Variants in NEGR1 observed in about 807,000 individuals in gnomAD.
The protein encoded by NEGR1 is neuronal growth regulator 1, also known as IgLON family member 4.
NEGR1 carries 10 observed loss-of-function variants against 40.9 expected under a neutral mutation model. The observed-to-expected ratio is 0.24, with a 90% CI of 0.15 to 0.42. The LOEUF (loss-of-function observed/expected upper bound fraction) is 0.42. Ranked by LOEUF, NEGR1 falls within the 10% of genes least tolerant of loss-of-function variation. The pLI is 1.00. For synonymous variants in NEGR1, 185 were observed against 166.8 expected, an observed-to-expected ratio of 1.11 and a Z score of -0.84; for missense variants, 352 against 438.9, an observed-to-expected ratio of 0.80 and a Z score of 1.77.
chr1:71,998,345 T>C (rs1031063929), intron 1 of NEGR1, among the ~76,000 whole-genome samples: 3 of 151,948 alleles, frequency 2.0e-5, no homozygotes, highest in African/African-American at 7.2e-5. Flanking sequence ...GGCAGGAGGC[T>C]TTTTCAATAA....
At chr1:71,676,134 G>A (rs773558678) in intron 4 of NEGR1, among the ~76,000 whole-genome samples, 3 of 152,062 alleles carry the variant, frequency 2.0e-5, no homozygotes, top group Non-Finnish European at 4.4e-5. Flanking sequence ...ATTTTGTAAG[G>A]TCTAAATTTT....
chr1:71,467,290 G>A (rs910518004), intron 6 of NEGR1, among the ~76,000 whole-genome samples: 1 of 151,984 alleles, frequency 6.6e-6, no homozygotes, highest in Non-Finnish European at 1.5e-5. Context: ...TGTGCCTGAA[G>A]TCTATTCATT....
chr1:71,746,385 C>T (rs1399314716), intron 3 of NEGR1, among the ~76,000 whole-genome samples: 1 of 152,276 alleles, frequency 6.6e-6, no homozygotes, highest in Admixed American at 6.5e-5. Flanking sequence ...CACGGGATAG[C>T]AAACTTAGAT....
At chr1:72,135,807 A>G (rs1650441425) in intron 1 of NEGR1, among the ~76,000 whole-genome samples, 1 of 152,232 alleles carries the variant, frequency 6.6e-6, no homozygotes, top group Admixed American at 6.5e-5. Flanking sequence ...AAAATTAAAA[A>G]GCTTAATACC....
intron 4 of NEGR1, among the ~76,000 whole-genome samples, chr1:71,641,167 G>A (rs139717664): frequency 3.1e-4 from 47 of 152,184 alleles, no homozygotes; most frequent in African/African-American, 6.7e-4. Flanking sequence ...GATTGTTTGC[G>A]TAGCAAAGAC....
intron 1 of NEGR1, among the ~76,000 whole-genome samples, chr1:71,966,679 G>A (rs1257063680): frequency 6.6e-6 from 1 of 152,104 alleles, no homozygotes; most frequent in African/African-American, 2.4e-5. Flanking sequence ...TGAATTTTCA[G>A]TGAAACAAAG....
At chr1:71,827,211 G>A (rs1312377498) in intron 2 of NEGR1, among the ~76,000 whole-genome samples, 2 of 151,298 alleles carry the variant, frequency 1.3e-5, no homozygotes, top group East Asian at 3.9e-4. Flanking sequence ...GAAAAAAAAA[G>A]AGGGAGCAGA....
In NEGR1 at chr1:72,219,976, A is replaced by C. The variant is rs569289995; in HGVS notation, c.176+62343T>G. ...TTTACTATTTCTTCAGGTAAGATCT[A>C]CCTACTGTCCAAAATTTCACTGAAT... On this transcript the variant is annotated intron_variant, in intron 1 of 6. Transcript: ENST00000357731. Among the ~76,000 whole-genome samples, 4 of 152,112 alleles carry C rather than the reference A, an allele frequency of 2.6e-5. No homozygotes were observed. The East Asian group carries it at 7.7e-4, about 29-fold the overall frequency.
chr1:71,880,233 G>C (rs1394796663), intron 2 of NEGR1, among the ~76,000 whole-genome samples: 2 of 151,722 alleles, frequency 1.3e-5, no homozygotes, highest in African/African-American at 2.4e-5. Context: ...ATTGCAGAGA[G>C]GCCTATAATT....
intron 1 of NEGR1, among the ~76,000 whole-genome samples, chr1:72,203,876 G>T (rs1292203516): frequency 6.6e-6 from 1 of 152,054 alleles, no homozygotes; most frequent in Non-Finnish European, 1.5e-5. Context: ...AGGATTGTTA[G>T]CATCTTTTTA....
At chr1:72,012,800 T>C (rs1646668968) in intron 1 of NEGR1, among the ~76,000 whole-genome samples, 1 of 144,282 alleles carries the variant, frequency 6.9e-6, no homozygotes, top group Non-Finnish European at 1.5e-5. Flanking sequence ...GTAATGTGTG[T>C]GTGTATATAT....
intron 1 of NEGR1, among the ~76,000 whole-genome samples, chr1:71,974,637 C>T (rs1646286169): frequency 6.6e-6 from 1 of 152,070 alleles, no homozygotes; most frequent in African/African-American, 2.4e-5. Flanking sequence ...CAAGATATTT[C>T]TGAATCCTAT....
chr1:72,155,880 AACAAACATTAAATTG>A (rs1651338796), intron 1 of NEGR1, among the ~76,000 whole-genome samples: 3 of 152,160 alleles, frequency 2.0e-5, no homozygotes, highest in African/African-American at 7.2e-5. Context: ...AACATGATAC[AACAAACATTAAATTG>A]ACAGGAAATA....
At chr1:71,409,212 C>T (rs1178189321) in intron 6 of NEGR1, among the ~76,000 whole-genome samples, 3 of 151,998 alleles carry the variant, frequency 2.0e-5, no homozygotes, top group East Asian at 1.9e-4. Flanking sequence ...CCTCATTGTC[C>T]CCTTTTCTAG....
intron 1 of NEGR1, among the ~76,000 whole-genome samples, chr1:72,080,863 T>A (rs1647967625): frequency 6.6e-6 from 1 of 152,078 alleles, no homozygotes; most frequent in African/African-American, 2.4e-5. Context: ...GAAGAAAAGC[T>A]TCCTAAAAGT....
chr1:71,767,144 T>C (rs886959962), intron 3 of NEGR1, among the ~76,000 whole-genome samples: 4 of 152,104 alleles, frequency 2.6e-5, no homozygotes, highest in East Asian at 1.9e-4. Context: ...AAATGTAGAA[T>C]TGCCTTTGGA....
At chr1:71,785,190 A>T (rs1028862012) in intron 2 of NEGR1, among the ~76,000 whole-genome samples, 3 of 152,160 alleles carry the variant, frequency 2.0e-5, no homozygotes, top group African/African-American at 7.2e-5. Flanking sequence ...CTCAGGCAAC[A>T]GCAGCAGCAG....
chr1:72,012,842 C>CATAT (rs375131531), intron 1 of NEGR1, among the ~76,000 whole-genome samples: 9,348 of 140,070 alleles, frequency 0.067, 343 homozygotes, highest in East Asian at 0.1. Flanking sequence ...TATATACATA[C>CATAT]ATATATATAT....
intron 2 of NEGR1, among the ~76,000 whole-genome samples, chr1:71,857,626 C>CAAAAAAAAA (rs59343025): frequency 1.9e-5 from 1 of 53,440 alleles, no homozygotes; most frequent in African/African-American, 7.5e-5. Flanking sequence ...GATCCTGTCT[C>CAAAAAAAAA]AAAAAAAAAA....
Sources: allele counts gnomAD v4.1 joint callset (sites outside exome capture counted in the v4.1 genomes callset), GRCh38; gene constraint gnomAD v4.1.1; transcripts MANE v1.5; gene names NCBI Gene and HGNC (gene_info 2026-07-23, HGNC 2026-07-21).